The following PPP1R2 variants were observed in gnomAD, a reference collection of about 807,000 sequenced individuals.
The protein encoded by PPP1R2 is protein phosphatase inhibitor 2.
In PPP1R2, 16 loss-of-function variants were observed where a neutral mutation model predicts 29.9. The ratio of observed to expected loss-of-function variants is 0.53; its 90% confidence interval spans 0.36 to 0.81. PPP1R2 has a LOEUF of 0.81. Ranked by LOEUF, PPP1R2 falls within the 30% of genes least tolerant of loss-of-function variation. The pLI is 0.00. For missense variants in PPP1R2, 197 were observed against 252.7 expected (o/e 0.78, Z 1.49); for synonymous variants, 76 against 91.5 (o/e 0.83, Z 0.96).
chr3:195,527,882 TA>T, intron 2 of PPP1R2: 1 of 374,800 alleles, frequency 2.7e-6, no homozygotes, highest in Non-Finnish European at 5.1e-6. Context: ...TTTTTTTTTT[TA>T]AGATTTTTAA....
chr3:195,535,108 T>C (rs1245106630), intron 1 of PPP1R2, among the ~76,000 whole-genome samples: 5 of 152,124 alleles, frequency 3.3e-5, no homozygotes. Context: ...TTTTGCGTGG[T>C]GTGGGGTCGG....
chr3:195,520,334 C>T (rs1275339350), intron 4 of PPP1R2, among the ~76,000 whole-genome samples: 3 of 152,116 alleles, frequency 2.0e-5, no homozygotes, highest in Admixed American at 1.3e-4. Flanking sequence ...TTAAAAATTT[C>T]ATCAAAATAT....
chr3:195,522,528 G>T (rs1307845525), intron 4 of PPP1R2, among the ~76,000 whole-genome samples: 1 of 152,256 alleles, frequency 6.6e-6, no homozygotes, highest in East Asian at 1.9e-4. Context: ...ATTCTCAACA[G>T]ATCATGTTTT....
In PPP1R2 at chr3:195,542,887, T is replaced by C. The variant is rs781160032; in HGVS notation, c.122+17A>G. 3 of 1,590,420 alleles carry C rather than the reference T, an allele frequency of 1.9e-6. No individual in the cohort carries two copies. The highest frequency in any genetic ancestry group is 2.6e-6 in the Non-Finnish European group (3 of 1,168,760). On this transcript the variant is annotated intron_variant, in intron 1 of 5. Coordinates refer to ENST00000618156, the MANE Select transcript of PPP1R2 (RefSeq NM_006241.8). ...GCGGGAAGGAGGGGCTCCCAGGCCG[T>C]CCCTCCCAGCGCTCACCTCAGCTCC... is the stretch of plus-strand genomic sequence containing the variant.
intron 2 of PPP1R2, among the ~76,000 whole-genome samples, chr3:195,528,328 A>ATC (rs1173226099): frequency 6.6e-6 from 1 of 152,120 alleles, no homozygotes; most frequent in Non-Finnish European, 1.5e-5. Context: ...TTTTATATAT[A>ATC]TTCCATGGTA....
intron 3 of PPP1R2, 106 bp from the exon 4 acceptor site, chr3:195,523,892 T>A: frequency 1.1e-6 from 1 of 942,704 alleles, no homozygotes; most frequent in Non-Finnish European, 1.7e-6. Context: ...ATCATTAATG[T>A]GCTAGCTATA....
chr3:195,538,504 A>G (rs1719475075), intron 1 of PPP1R2, among the ~76,000 whole-genome samples: 1 of 120,040 alleles, frequency 8.3e-6, no homozygotes, highest in South Asian at 3.2e-4. Flanking sequence ...AAGTAAGCAA[A>G]AAGTAACTTT....
intron 1 of PPP1R2, among the ~76,000 whole-genome samples, chr3:195,532,601 T>C (rs1171797903): frequency 6.6e-6 from 1 of 152,116 alleles, no homozygotes; most frequent in Non-Finnish European, 1.5e-5. Flanking sequence ...CAGTTACCCT[T>C]TACTATAGAG....
At chr3:195,516,985 T>A (rs550408956) in intron 5 of PPP1R2, 43 bp from the exon 6 acceptor site, 1 of 1,541,886 alleles carries the variant, frequency 6.5e-7, no homozygotes, top group South Asian at 1.1e-5. Context: ...TGTTATATGT[T>A]GTCAACCCTG....
At chr3:195,533,830 AATG>A (rs142776044) in intron 1 of PPP1R2, among the ~76,000 whole-genome samples, 40 of 152,326 alleles carry the variant, frequency 2.6e-4, no homozygotes, top group African/African-American at 8.4e-4. Context: ...TTTGAGAAAA[AATG>A]ATGTCACTAT....
In PPP1R2 at chr3:195,515,496, A is replaced by G. The variant is rs1465009313; in HGVS notation, c.*1400T>C. On this transcript the variant is annotated 3_prime_UTR_variant, in exon 6 of 6. Transcript: ENST00000618156. ...TTGGTACTAACAAAAGTTGTACACA[A>G]TTCATCAATTGTATGGCTAGAAATG... The G allele has an allele frequency of 6.6e-6, 1 of 152,622 alleles. No homozygotes were observed. The highest frequency in any genetic ancestry group is 1.5e-5 in the Non-Finnish European group (1 of 67,998). 9.5% of individuals were successfully genotyped at this position (152,622 alleles called of 1,614,324 possible).
chr3:195,529,845 T>C lies in PPP1R2; in HGVS notation c.179A>G (p.Asp60Gly). Residue 60 changes from aspartate to glycine, a missense_variant, in exon 2 of 6, where the codon GAC becomes GGC. Around this residue, in one of 3 missense-constraint regions of PPP1R2, gnomAD observed 8 missense variants for 29.2 expected, o/e 0.27. Transcript: ENST00000618156. ...TATTTTCATTAAACCATAGTCTTTG[T>C]CTGCTGGATGATACGTCGCCAAGAT... is the stretch of plus-strand genomic sequence containing the variant. ...MNILATYHPADKDYGLMKIDE... is the reference protein window; with the variant it reads ...MNILATYHPAGKDYGLMKIDE... 1.2e-6 allele frequency: 2 copies of C among 1,611,788 alleles called. No individual in the cohort carries two copies. Among genetic ancestry groups the C allele is most frequent in the South Asian group, 2.2e-5 (2 of 90,326 alleles).
intron 3 of PPP1R2, 53 bp downstream of exon 3, chr3:195,524,766 T>C: frequency 6.4e-7 from 1 of 1,566,330 alleles, no homozygotes; most frequent in Non-Finnish European, 8.8e-7. Context: ...CTTTCAACTC[T>C]GCACGATTAT....
At chr3:195,536,326 A>T (rs1009757888) in intron 1 of PPP1R2, among the ~76,000 whole-genome samples, 1 of 148,028 alleles carries the variant, frequency 6.8e-6, no homozygotes, top group Non-Finnish European at 1.5e-5. Context: ...AAGTGCTGGG[A>T]TTATAGGTGT....
chr3:195,543,290 T>G lies in PPP1R2; in HGVS notation c.-265A>C. On this transcript the variant is annotated 5_prime_UTR_variant, in exon 1 of 6. Transcript: ENST00000618156. ...CGCGGCTCGCGGAGAGACGCCGGCCTAGAGCTCCAGCGCAGGAGCGACGCG... is the reference window on the plus strand; with the variant it reads ...CGCGGCTCGCGGAGAGACGCCGGCCGAGAGCTCCAGCGCAGGAGCGACGCG... 1 of 336,932 alleles carries G rather than the reference T, an allele frequency of 3.0e-6. No homozygotes were observed. The highest frequency in any genetic ancestry group is 5.4e-6 in the Non-Finnish European group (1 of 184,994). The allele number at this position is 336,932 out of a possible 1,614,324, so 20.9% of individuals were successfully genotyped here.
At chr3:195,531,726 G>C (rs549751048) in intron 1 of PPP1R2, among the ~76,000 whole-genome samples, 1 of 152,228 alleles carries the variant, frequency 6.6e-6, no homozygotes, top group East Asian at 1.9e-4. Context: ...CCTGAAGTAA[G>C]CACTAGCCAT....
At chr3:195,539,071 A>G (rs941972580) in intron 1 of PPP1R2, among the ~76,000 whole-genome samples, 4 of 152,234 alleles carry the variant, frequency 2.6e-5, no homozygotes, top group African/African-American at 4.8e-5. Context: ...GAAAAAGAAC[A>G]TGTCTTAAAA....
intron 1 of PPP1R2, among the ~76,000 whole-genome samples, chr3:195,542,329 T>C (rs1719627385): frequency 1.3e-5 from 2 of 152,228 alleles, no homozygotes; most frequent in Non-Finnish European, 2.9e-5. Flanking sequence ...GCAACTAAAT[T>C]ACCACTGGGT....
At chr3:195,537,481 T>TTTTTTTTGTGTGTGTGTGTGTGTG (rs150119072) in intron 1 of PPP1R2, among the ~76,000 whole-genome samples, 26 of 128,574 alleles carry the variant, frequency 2.0e-4, no homozygotes, top group African/African-American at 7.5e-4. Flanking sequence ...GGATTAGCTA[T>TTTTTTTTGTGTGTGTGTGTGTGTG]TGTGTGTGTG....
Sources: gnomAD v4.1 joint callset for allele counts (sites outside exome capture counted in the v4.1 genomes callset) on GRCh38, gnomAD v4.1.1 for gene constraint, gnomAD v4.1.1 regional missense constraint, MANE v1.5 for transcripts, NCBI Gene and HGNC (gene_info 2026-07-23, HGNC 2026-07-21) for gene names.